Variants in SCLT1 observed in about 807,000 individuals in gnomAD.
SCLT1 encodes the protein sodium channel and clathrin linker 1.
SCLT1 carries 78 observed loss-of-function variants against 112.8 expected under a neutral mutation model. That is an observed-to-expected ratio of 0.69 (90% CI 0.58 to 0.83). SCLT1 has a LOEUF of 0.83. Ranked by LOEUF, SCLT1 falls within the 40% of genes least tolerant of loss-of-function variation. SCLT1 has a pLI of 0.00. For synonymous variants in SCLT1, 257 were observed against 254.7 expected (o/e 1.01, Z -0.09); for missense variants, 747 against 770.4 (o/e 0.97, Z 0.36).
intron 18 of SCLT1, among the ~76,000 whole-genome samples, chr4:128,923,780 C>T (rs1260507259): frequency 1.3e-5 from 2 of 151,944 alleles, no homozygotes; most frequent in Non-Finnish European, 2.9e-5. Context: ...TAAATATCTA[C>T]AAACATTTGT....
intron 4 of SCLT1, among the ~76,000 whole-genome samples, chr4:129,040,843 C>T (rs1473625552): frequency 1.3e-5 from 2 of 152,094 alleles, no homozygotes; most frequent in Non-Finnish European, 2.9e-5. Context: ...TAGCTGTCAA[C>T]ATTTTTTTTT....
At chr4:129,090,842 C>A (rs143278192) in intron 1 of SCLT1, among the ~76,000 whole-genome samples, 15 of 152,214 alleles carry the variant, frequency 9.9e-5, no homozygotes, top group African/African-American at 3.6e-4. Context: ...TACTAGTAGC[C>A]TGGTTGAGTG....
chr4:128,918,906 A>G (rs964707478), intron 18 of SCLT1, among the ~76,000 whole-genome samples: 2 of 152,206 alleles, frequency 1.3e-5, no homozygotes, highest in African/African-American at 4.8e-5. Flanking sequence ...CATCTAGCAC[A>G]GGAGCACCCA....
intron 5 of SCLT1, among the ~76,000 whole-genome samples, chr4:129,005,458 A>C (rs1743911225): frequency 1.3e-5 from 2 of 152,166 alleles, no homozygotes; most frequent in Admixed American, 6.5e-5. Context: ...AATCAAAACC[A>C]CAATGAGATA....
At chr4:129,060,846 T>G (rs907229980) in intron 2 of SCLT1, among the ~76,000 whole-genome samples, 5 of 152,150 alleles carry the variant, frequency 3.3e-5, no homozygotes, top group Non-Finnish European at 5.9e-5. Flanking sequence ...GATCTTAGGC[T>G]CAGCATTTCA....
chr4:129,006,225 C>A (rs1314223785), intron 5 of SCLT1, among the ~76,000 whole-genome samples: 1 of 151,930 alleles, frequency 6.6e-6, no homozygotes, highest in African/African-American at 2.4e-5. Context: ...TTATAACTGA[C>A]AGTAAGACAG....
At chr4:128,890,379 T>C (rs940123188) in intron 19 of SCLT1, among the ~76,000 whole-genome samples, 2 of 152,168 alleles carry the variant, frequency 1.3e-5, no homozygotes, top group African/African-American at 2.4e-5. Flanking sequence ...GGGAGCTACC[T>C]GAAAGATTAT....
intron 15 of SCLT1, among the ~76,000 whole-genome samples, chr4:128,947,881 G>C (rs888946031): frequency 6.6e-6 from 1 of 151,940 alleles, no homozygotes; most frequent in African/African-American, 2.4e-5. Context: ...TTTATAGATG[G>C]CCTAAGCACC....
chr4:128,901,283 A>C (rs1222303496), intron 18 of SCLT1, among the ~76,000 whole-genome samples: 1 of 152,238 alleles, frequency 6.6e-6, no homozygotes. Context: ...AATGTGCAAC[A>C]ATGATAGACT....
chr4:129,082,334 T>C lies in SCLT1; in HGVS notation c.74A>G (p.Glu25Gly). The C allele has an allele frequency of 6.3e-7, 1 of 1,590,698 alleles. No individual in the cohort carries two copies. Among genetic ancestry groups the C allele is most frequent in the Non-Finnish European group, 8.6e-7 (1 of 1,163,616 alleles). ...TACAGATGAATATTTGGAAAAACTT[T>C]CCATTTGATACCGCCTAAAATCTTC... ...LNEDFRRYQM[E>G]SFSKYSSVQK... Residue 25 changes from glutamate (E) to glycine (G), a missense_variant, in exon 2 of 21, where the codon GAA becomes GGA. Physicochemically the swap from Glu to Gly is moderately conservative, Grantham distance 98. Transcript: ENST00000281142.
At chr4:128,979,899 T>C (rs1305344602) in intron 9 of SCLT1, among the ~76,000 whole-genome samples, 32 of 152,242 alleles carry the variant, frequency 2.1e-4, no homozygotes, top group Admixed American at 2.1e-3. Context: ...TCTTGACCAG[T>C]GTGTTCTAGA....
chr4:129,055,671 G>C (rs1749302731), intron 2 of SCLT1, among the ~76,000 whole-genome samples: 1 of 152,088 alleles, frequency 6.6e-6, no homozygotes, highest in Non-Finnish European at 1.5e-5. Context: ...TGTGTTGGCA[G>C]CAAGAATTTC....
At chr4:128,968,052 A>G (rs1740365016) in intron 10 of SCLT1, among the ~76,000 whole-genome samples, 1 of 152,164 alleles carries the variant, frequency 6.6e-6, no homozygotes, top group African/African-American at 2.4e-5. Context: ...ATTGGCTGTC[A>G]GTATCATTGT....
chr4:129,020,391 C>T (rs1048407201), intron 5 of SCLT1, among the ~76,000 whole-genome samples: 1 of 152,210 alleles, frequency 6.6e-6, no homozygotes. Context: ...CTATTCTGTG[C>T]ACAGACAGAA....
At chr4:128,903,572 A>C (rs1341896500) in intron 18 of SCLT1, among the ~76,000 whole-genome samples, 2 of 152,126 alleles carry the variant, frequency 1.3e-5, no homozygotes, top group Non-Finnish European at 2.9e-5. Flanking sequence ...ATTTATTTAG[A>C]CTTATTTATA....
chr4:128,887,368 C>T (rs1182459889), intron 20 of SCLT1, among the ~76,000 whole-genome samples: 1 of 151,948 alleles, frequency 6.6e-6, no homozygotes, highest in African/African-American at 2.4e-5. Flanking sequence ...ATTAAATTTT[C>T]TTTAAGTGGC....
At position 128,999,693 on chromosome 4, in the gene SCLT1, T is replaced by G; in HGVS notation, c.528A>C (p.Val176=). The G allele has an allele frequency of 6.3e-7, 1 of 1,599,800 alleles. No homozygotes were observed. Among genetic ancestry groups the G allele is most frequent in the East Asian group, 2.3e-5 (1 of 44,364 alleles). ...TTACCTTTTGTTTTTGACTTTCAAA[T>G]ACATGAATCTGGGCCTCAGTCATAT... ...QEHMTEAQIH[V]FESQKQKDQL... is the part of the protein sequence containing the mutation. Residue 176 remains valine (V), a synonymous_variant, in exon 7 of 21, where the codon GTA becomes GTC. Coordinates refer to ENST00000281142, the MANE Select transcript of SCLT1 (RefSeq NM_144643.4).
intron 9 of SCLT1, chr4:128,971,178 C>T (rs902038446): frequency 2.6e-5 from 4 of 151,620 alleles, no homozygotes; most frequent in African/African-American, 9.7e-5. Flanking sequence ...AGTATAAAAC[C>T]CTTTGATTAT....
rs566443050 is a variant in SCLT1, at chr4:129,031,108, T to C, written c.290+7933A>G. Among the ~76,000 whole-genome samples, 6 of 152,158 alleles carry C rather than the reference T, an allele frequency of 3.9e-5. No homozygotes were observed. In the South Asian group the frequency reaches 1.3e-3, roughly 32 times the overall value. ...ATCCAGCAGCACATCAAAAAGCTTA[T>C]CCACCAAGATCAAGTCGCTTTCATC... On this transcript the variant is annotated intron_variant, in intron 5 of 20. Coordinates refer to ENST00000281142, the MANE Select transcript of SCLT1 (RefSeq NM_144643.4).
Sources: allele counts gnomAD v4.1 joint callset (sites outside exome capture counted in the v4.1 genomes callset), GRCh38; gene constraint gnomAD v4.1.1; transcripts MANE v1.5; gene names NCBI Gene and HGNC (gene_info 2026-07-23, HGNC 2026-07-21).